HSD17B12: variants seen among roughly 807,000 people sequenced by gnomAD.
HSD17B12 encodes very-long-chain 3-oxoacyl-CoA reductase.
HSD17B12 carries 32 observed loss-of-function variants against 39.3 expected under a neutral mutation model. The ratio of observed to expected loss-of-function variants is 0.81; its 90% confidence interval spans 0.61 to 1.09. The LOEUF is 1.09. HSD17B12 is among the 50% of genes least tolerant of loss of function. The pLI, the probability that HSD17B12 is intolerant of heterozygous loss-of-function variation, is 0.00. For missense variants in HSD17B12, 342 were observed against 382.9 expected, an observed-to-expected ratio of 0.89 and a Z score of 0.89; for synonymous variants, 150 against 146.7, an observed-to-expected ratio of 1.02 and a Z score of -0.16.
rs115519777 is a variant in HSD17B12 at position 43,810,951 on chromosome 11, G to A, written c.392-4486G>A. Among the ~76,000 whole-genome samples, 1,243 of 152,298 alleles carry A rather than the reference G, an allele frequency of 8.2e-3. 14 individuals are homozygous for A. Among genetic ancestry groups the A allele is most frequent in the African/African-American group, 0.029 (1,213 of 41,570 alleles). On this transcript the variant is annotated intron_variant, in intron 4 of 10. Transcript: ENST00000278353. ...AGGGATCTTCAACTATCTGAATAAT[G>A]TTGGAGCAACATGTGCCATTGTTTG...
chr11:43,631,084 C>A, the HSD17B12 span, among the ~76,000 whole-genome samples: 1 of 152,096 alleles, frequency 6.6e-6, no homozygotes, highest in Non-Finnish European at 1.5e-5. Context: ...GGATTACAGG[C>A]GTGAGCCATA....
chr11:43,724,447 C>T (rs1209459869), intron 1 of HSD17B12, among the ~76,000 whole-genome samples: 2 of 151,894 alleles, frequency 1.3e-5, no homozygotes, highest in Non-Finnish European at 1.5e-5. Flanking sequence ...CTGTTTTAAC[C>T]TGTTTGGGCT....
chr11:43,854,802 T>C lies in HSD17B12; in HGVS notation c.772T>C (p.Ser258Pro), dbSNP rs1565114439. The change falls in exon 10 of 11, where the codon TCT becomes CCT. Residue 258 changes from serine (S) to proline (P), a missense_variant. Physicochemically the swap from Ser to Pro is moderately conservative, Grantham distance 74 (BLOSUM62 -1). Transcript: ENST00000278353. ...GCCCTCTCCGGAGACGTTTGTGAAG[T>C]CTGCAATTAAAACAGTCGGCCTGCA... ...DKPSPETFVK[S>P]AIKTVGLQSR... The C allele has an allele frequency of 1.9e-6, 3 of 1,614,196 alleles. No homozygotes were observed. Among genetic ancestry groups the C allele is most frequent in the East Asian group, 4.5e-5 (2 of 44,890 alleles).
chr11:43,696,329 A>C (rs1949911172), intron 1 of HSD17B12, among the ~76,000 whole-genome samples: 1 of 152,246 alleles, frequency 6.6e-6, no homozygotes, highest in South Asian at 2.1e-4. Flanking sequence ...CAAATTTATA[A>C]GAAAAAAAAT....
chr11:43,562,635 T>A, the HSD17B12 span, among the ~76,000 whole-genome samples: 1 of 152,214 alleles, frequency 6.6e-6, no homozygotes, highest in African/African-American at 2.4e-5. Flanking sequence ...AGGCATGGTG[T>A]GGGATGGCAT....
At chr11:43,795,635 G>A (rs7118883) in intron 3 of HSD17B12, among the ~76,000 whole-genome samples, 5,475 of 152,140 alleles carry the variant, frequency 0.036, 350 homozygotes, top group African/African-American at 0.13. Context: ...CTCTGCCTCC[G>A]AACATTGTTG....
intron 9 of HSD17B12, chr11:43,854,134 A>G (rs989830511): frequency 6.6e-6 from 1 of 152,262 alleles, no homozygotes; most frequent in Non-Finnish European, 1.5e-5. Context: ...TCTAAAAAAG[A>G]AAAAAAGGGA....
At chr11:43,724,616 C>T (rs1478877000) in intron 1 of HSD17B12, among the ~76,000 whole-genome samples, 1 of 152,116 alleles carries the variant, frequency 6.6e-6, no homozygotes, top group Non-Finnish European at 1.5e-5. Context: ...TCACTGTGTC[C>T]TCTCATGGCA....
the HSD17B12 span, among the ~76,000 whole-genome samples, chr11:43,647,570 C>T: frequency 1.3e-5 from 2 of 151,772 alleles, no homozygotes; most frequent in Middle Eastern, 3.4e-3. Context: ...CCACACATGA[C>T]CCTAAGCAGT....
the HSD17B12 span, among the ~76,000 whole-genome samples, chr11:43,557,830 G>T: frequency 1.3e-5 from 2 of 152,084 alleles, no homozygotes; most frequent in Non-Finnish European, 2.9e-5. Context: ...GGACTTACAG[G>T]GTTGGCCTTC....
chr11:43,658,141 T>C, the HSD17B12 span, among the ~76,000 whole-genome samples: 1 of 152,332 alleles, frequency 6.6e-6, no homozygotes, highest in Admixed American at 6.5e-5. Context: ...TTCATTTCAT[T>C]CATTTCATCT....
chr11:43,654,205 G>A, the HSD17B12 span, among the ~76,000 whole-genome samples: 2 of 152,216 alleles, frequency 1.3e-5, no homozygotes, highest in Non-Finnish European at 2.9e-5. Flanking sequence ...TTTGAGAAGT[G>A]TCTGTTCATA....
chr11:43,680,383 C>T (rs1326649220), upstream of HSD17B12, among the ~76,000 whole-genome samples: 1 of 152,144 alleles, frequency 6.6e-6, no homozygotes, highest in African/African-American at 2.4e-5. Context: ...ACGCCCACTT[C>T]TTACTATAAT....
At chr11:43,806,628 G>C (rs530567270) in intron 4 of HSD17B12, among the ~76,000 whole-genome samples, 3 of 152,142 alleles carry the variant, frequency 2.0e-5, no homozygotes, top group Non-Finnish European at 2.9e-5. Flanking sequence ...ACTCATATGT[G>C]TGAGCTTAAA....
At chr11:43,725,391 T>C (rs1244891231) in intron 1 of HSD17B12, among the ~76,000 whole-genome samples, 1 of 152,226 alleles carries the variant, frequency 6.6e-6, no homozygotes, top group East Asian at 1.9e-4. Context: ...TGCTGGTTAA[T>C]TCATAATAAC....
intron 3 of HSD17B12, among the ~76,000 whole-genome samples, chr11:43,776,961 C>T (rs2135000423): frequency 6.6e-6 from 1 of 152,202 alleles, no homozygotes; most frequent in South Asian, 2.1e-4. Flanking sequence ...TTCCATTGAT[C>T]TATATCTCTG....
intron 6 of HSD17B12, among the ~76,000 whole-genome samples, chr11:43,817,017 T>G (rs1205864344): frequency 9.7e-4 from 21 of 21,732 alleles, no homozygotes; most frequent in African/African-American, 2.5e-3. Context: ...TATCTATATC[T>G]ATATCTATAT....
the HSD17B12 span, among the ~76,000 whole-genome samples, chr11:43,628,639 G>T: frequency 7.2e-5 from 11 of 151,952 alleles, 1 homozygote; most frequent in African/African-American, 2.7e-4. Context: ...CTGGTTTTGT[G>T]GCTCTATCTA....
chr11:43,842,943 C>T (rs971596904), intron 9 of HSD17B12, among the ~76,000 whole-genome samples: 6 of 152,174 alleles, frequency 3.9e-5, no homozygotes, highest in African/African-American at 1.4e-4. Flanking sequence ...TTGTTTCCCT[C>T]AAAGATCTTT....
Sources: allele counts gnomAD v4.1 joint callset (sites outside exome capture counted in the v4.1 genomes callset), GRCh38; gene constraint gnomAD v4.1.1; transcripts MANE v1.5; gene names NCBI Gene and HGNC (gene_info 2026-07-23, HGNC 2026-07-21).